The following ABCD2 variants were observed in gnomAD, a reference collection of about 807,000 sequenced individuals.
The protein encoded by ABCD2 is ATP-binding cassette sub-family D member 2.
In ABCD2, 36 loss-of-function variants were observed where a neutral mutation model predicts 70.9. The observed-to-expected ratio is 0.51, with a 90% confidence interval of 0.39 to 0.67. The LOEUF is 0.67. Ranked by LOEUF, ABCD2 falls within the 30% of genes least tolerant of loss-of-function variation. The pLI, the probability that ABCD2 is intolerant of heterozygous loss-of-function variation, is 0.00. For synonymous variants in ABCD2, 304 were observed against 306.9 expected, an observed-to-expected ratio of 0.99 and a Z score of 0.10; for missense variants, 729 against 890.2, an observed-to-expected ratio of 0.82 and a Z score of 2.30.
At chr12:39,600,201 C>T (rs1941877502) in intron 6 of ABCD2, among the ~76,000 whole-genome samples, 1 of 152,016 alleles carries the variant, frequency 6.6e-6, no homozygotes. Context: ...ATGTATGCAG[C>T]TTGATGGAGA....
chr12:39,585,693 T>C (rs556590139), intron 7 of ABCD2, among the ~76,000 whole-genome samples: 4 of 152,300 alleles, frequency 2.6e-5, no homozygotes, highest in African/African-American at 9.6e-5. Context: ...AGTTTCTAAC[T>C]TTAATTACCT....
intron 9 of ABCD2, among the ~76,000 whole-genome samples, chr12:39,573,011 T>G (rs1010256413): frequency 6.6e-6 from 1 of 152,134 alleles, no homozygotes; most frequent in Non-Finnish European, 1.5e-5. Flanking sequence ...ATCATGGAAG[T>G]ATCTCACTTT....
At chr12:39,564,304 T>C (rs1941307960) in intron 9 of ABCD2, among the ~76,000 whole-genome samples, 1 of 152,206 alleles carries the variant, frequency 6.6e-6, no homozygotes, top group African/African-American at 2.4e-5. Context: ...TTCCTGACTT[T>C]TTAATAATCG....
intron 9 of ABCD2, among the ~76,000 whole-genome samples, chr12:39,555,101 G>C (rs1941142442): frequency 1.3e-5 from 2 of 151,962 alleles, no homozygotes; most frequent in Admixed American, 1.3e-4. Context: ...ATGATTCTTA[G>C]CATACTCACA....
downstream of ABCD2, among the ~76,000 whole-genome samples, chr12:39,547,587 C>T (rs904889700): frequency 6.6e-6 from 1 of 151,964 alleles, no homozygotes; most frequent in Non-Finnish European, 1.5e-5. Flanking sequence ...TGTATAATTC[C>T]ACTTATATAA....
At chr12:39,570,096 C>T (rs1274374405) in intron 9 of ABCD2, among the ~76,000 whole-genome samples, 1 of 152,094 alleles carries the variant, frequency 6.6e-6, no homozygotes, top group African/African-American at 2.4e-5. Context: ...CACACATACA[C>T]AAATAAAATG....
intron 9 of ABCD2, among the ~76,000 whole-genome samples, chr12:39,561,162 G>A (rs1941251990): frequency 6.6e-6 from 1 of 151,958 alleles, no homozygotes; most frequent in Non-Finnish European, 1.5e-5. Context: ...TTTGGAGGCT[G>A]AGGTGGGCAG....
At position 39,618,864 on chromosome 12, in the gene ABCD2, G is replaced by T. The variant is rs1286445180; in HGVS notation, c.752C>A (p.Ala251Glu). ...TAGTAGGGTGGGCCCAATTGGGCTT[G>T]CTCCTCTGGATGTAGCAGTTTGAAT... ...TLIQTATSRGASPIGPTLLAG... is the reference protein window; with the variant it reads ...TLIQTATSRGESPIGPTLLAG... Residue 251 changes from alanine (A) to glutamate (E), a missense_variant, in exon 1 of 10, where the codon GCA becomes GAA. Ala to Glu is a moderately radical substitution (Grantham distance 107). Around this residue, in one of 3 missense-constraint regions of ABCD2, gnomAD observed 195 missense variants for 300.2 expected, o/e 0.65. Coordinates refer to ENST00000308666, the MANE Select transcript of ABCD2 (RefSeq NM_005164.4). 6.2e-7 allele frequency: 1 copy of T among 1,614,230 alleles called. No individual in the cohort carries two copies. Among genetic ancestry groups the T allele is most frequent in the Admixed American group, 1.7e-5 (1 of 60,032 alleles).
At chr12:39,604,048 G>A in intron 4 of ABCD2, 42 bp from the exon 5 acceptor site, 1 of 1,365,090 alleles carries the variant, frequency 7.3e-7, no homozygotes, top group Non-Finnish European at 1.0e-6. Context: ...ATTATCACAG[G>A]TTTCTGATTA....
At chr12:39,578,343 G>T (rs1011154223) in intron 8 of ABCD2, among the ~76,000 whole-genome samples, 3 of 152,042 alleles carry the variant, frequency 2.0e-5, no homozygotes, top group Admixed American at 6.6e-5. Flanking sequence ...GCTTGGTGGC[G>T]GGCACCTGTA....
intron 9 of ABCD2, among the ~76,000 whole-genome samples, chr12:39,555,345 A>G (rs7309383): frequency 0.99 from 151,131 of 152,318 alleles, 74,982 homozygotes; most frequent in East Asian, 1. Flanking sequence ...TCAACGCACA[A>G]AGGGTGGAGG....
At chr12:39,607,755 T>G (rs566864320) in intron 2 of ABCD2, 41 bp from the exon 3 acceptor site, 2 of 1,356,274 alleles carry the variant, frequency 1.5e-6, no homozygotes, top group South Asian at 2.6e-5. Flanking sequence ...GTTTTTTTTT[T>G]TTTTTTTTTT....
At chr12:39,608,806 G>C (rs1474841575) in intron 2 of ABCD2, among the ~76,000 whole-genome samples, 1 of 152,118 alleles carries the variant, frequency 6.6e-6, no homozygotes, top group Non-Finnish European at 1.5e-5. Flanking sequence ...AAACATTTAT[G>C]GTGTGGTTTC....
intron 6 of ABCD2, among the ~76,000 whole-genome samples, chr12:39,590,652 T>C (rs1941733345): frequency 6.6e-6 from 1 of 152,112 alleles, no homozygotes; most frequent in African/African-American, 2.4e-5. Flanking sequence ...TCATTCCCCA[T>C]GATTATGGCT....
the ABCD2 span, among the ~76,000 whole-genome samples, chr12:39,534,709 A>AGGAC: frequency 6.1e-4 from 88 of 144,252 alleles, no homozygotes; most frequent in African/African-American, 2.2e-3. Flanking sequence ...GACGGAAGGA[A>AGGAC]GGAAGGAAGG....
Position 39,607,673 on chromosome 12 carries a change from CT to C in ABCD2, c.1161del (p.Ala388ProfsTer29). 1 of 1,612,832 alleles carries C rather than the reference CT, an allele frequency of 6.2e-7. No individual in the cohort carries two copies. The highest frequency in any genetic ancestry group is 8.5e-7 in the Non-Finnish European group (1 of 1,179,646). On this transcript the variant is annotated frameshift_variant, in exon 3 of 10. Transcript: ENST00000308666. LOFTEE classifies it high-confidence loss of function. ...QKQVMVSERT[E>X]AFTTARNLLA... is the part of the protein sequence containing the mutation. ...AGTAAATTTCGAGCAGTGGTAAAGGCTTCTGTCCGTTCACTAACCATAACTT... is the reference window on the plus strand; with the variant it reads ...AGTAAATTTCGAGCAGTGGTAAAGGCTCTGTCCGTTCACTAACCATAACTT...
intron 6 of ABCD2, among the ~76,000 whole-genome samples, chr12:39,590,597 A>G (rs1399505398): frequency 6.6e-6 from 1 of 152,032 alleles, no homozygotes; most frequent in Non-Finnish European, 1.5e-5. Context: ...AAATGTATAT[A>G]TAGTTAAAAT....
intron 9 of ABCD2, among the ~76,000 whole-genome samples, chr12:39,558,526 A>G (rs536054927): frequency 5.3e-5 from 8 of 152,132 alleles, no homozygotes; most frequent in Non-Finnish European, 1.0e-4. Flanking sequence ...GGTGGAGGCA[A>G]TTGGATCATG....
chr12:39,544,762 C>T, the ABCD2 span, among the ~76,000 whole-genome samples: 2 of 152,182 alleles, frequency 1.3e-5, no homozygotes, highest in East Asian at 3.9e-4. Flanking sequence ...GGAGTGAACC[C>T]CAGGGTGAGA....
Sources: allele counts gnomAD v4.1 joint callset (sites outside exome capture counted in the v4.1 genomes callset), GRCh38; gene constraint gnomAD v4.1.1; regional missense constraint gnomAD v4.1.1; transcripts MANE v1.5; gene names NCBI Gene and HGNC (gene_info 2026-07-23, HGNC 2026-07-21).